Variants in POT1 observed in about 807,000 individuals in gnomAD.
POT1 encodes the protein protection of telomeres 1, also known as protection of telomeres protein 1.
Under a neutral mutation model 78.5 loss-of-function variants are expected in POT1, and 47 were observed. That is an observed-to-expected ratio of 0.60 (90% CI 0.47 to 0.76). POT1 has a LOEUF of 0.76. POT1 is among the 30% of genes least tolerant of loss of function. POT1 has a pLI of 0.00. For synonymous variants in POT1, 259 were observed against 260.7 expected (o/e 0.99, Z 0.06); for missense variants, 646 against 749.9 (o/e 0.86, Z 1.62).
intron 13 of POT1, among the ~76,000 whole-genome samples, chr7:124,841,848 C>A (rs913157619): frequency 6.6e-6 from 1 of 151,744 alleles, no homozygotes; most frequent in Non-Finnish European, 1.5e-5. Flanking sequence ...ATTCAATAAA[C>A]CAAAGTTTGA....
Position 124,842,853 on chromosome 7 carries a change from T to G in POT1, c.1117A>C (p.Arg373=). 6.2e-7 allele frequency: 1 copy of G among 1,606,986 alleles called. No homozygotes were observed. The highest frequency in any genetic ancestry group is 8.5e-7 in the Non-Finnish European group (1 of 1,178,318). ...TGAAGTTTAACAGACTGAAATAGTC[T>G]TCTGGGCTTATATGACCTCAATTTT... The part of the protein sequence containing the change: ...RAKLRSYKPR[R]LFQSVKLHCP... The change falls in exon 13 of 19, where the codon AGA becomes CGA. Residue 373 remains arginine, a synonymous_variant. Coordinates refer to ENST00000357628, the MANE Select transcript of POT1 (RefSeq NM_015450.3).
intron 8 of POT1, among the ~76,000 whole-genome samples, chr7:124,859,840 GAAA>G (rs774829313): frequency 6.9e-6 from 1 of 144,548 alleles, no homozygotes; most frequent in African/African-American, 2.5e-5. Context: ...GTATTGCTCA[GAAA>G]AAAAAAACAT....
intron 18 of POT1, 30 bp downstream of exon 18, chr7:124,825,222 G>T: frequency 7.1e-7 from 1 of 1,415,848 alleles, no homozygotes; most frequent in Non-Finnish European, 9.9e-7. Context: ...AGTAAAAGAA[G>T]TGTGGGATTG....
chr7:124,850,509 T>C, intron 11 of POT1, among the ~76,000 whole-genome samples: 1 of 152,096 alleles, frequency 6.6e-6, no homozygotes, highest in South Asian at 2.1e-4. Flanking sequence ...GGGCGGATCA[T>C]GAGGTCAGGA....
chr7:124,841,517 G>A (rs1435721217), intron 13 of POT1, among the ~76,000 whole-genome samples: 4 of 151,674 alleles, frequency 2.6e-5, no homozygotes, highest in Non-Finnish European at 4.4e-5. Context: ...TTTCCCAGTA[G>A]GAGAAAAAAA....
intron 3 of POT1, among the ~76,000 whole-genome samples, 176 bp downstream of exon 3, chr7:124,915,398 G>A (rs1189690080): frequency 2.0e-5 from 3 of 152,102 alleles, no homozygotes; most frequent in Admixed American, 6.6e-5. Flanking sequence ...AGACAGTTAA[G>A]CTGCTAAGAT....
rs186387798 is a variant in POT1 at position 124,868,651 on chromosome 7, A to G, written c.255+2260T>C. 2.2e-3 allele frequency among the ~76,000 whole-genome samples: 328 copies of G among 151,046 alleles called. 1 individual carries two copies. Among genetic ancestry groups the G allele is most frequent in the Non-Finnish European group, 3.8e-3 (257 of 67,720 alleles). ...AAAAGGTAACTATTAAATGATTTAA[A>G]TAAATATAAAAAAGTAATAATCCTA... On this transcript the variant is annotated intron_variant, in intron 7 of 18. Coordinates refer to ENST00000357628, the MANE Select transcript of POT1 (RefSeq NM_015450.3).
At position 124,842,905 on chromosome 7, in the gene POT1, T is replaced by C. The variant is rs1258072644; in HGVS notation, c.1065A>G (p.Lys355=). Residue 355 remains lysine, a synonymous_variant, in exon 13 of 19, where the codon AAA becomes AAG. Coordinates refer to ENST00000357628, the MANE Select transcript of POT1 (RefSeq NM_015450.3). ...CTCGGATGCGGTATTGTTGAGGAGC[T>C]TTTTGTTTCAAAATGGCACATAGTG... The part of the protein sequence containing the change: ...RTPLCAILKQ[K]APQQYRIRAK... 6.2e-7 allele frequency: 1 copy of C among 1,608,394 alleles called. No homozygotes were observed.
At position 124,929,786 on chromosome 7, in the gene POT1, T is replaced by C. The variant is rs772056197; in HGVS notation, c.-412+8A>G. 1 of 152,264 alleles carries C rather than the reference T, an allele frequency of 6.6e-6. No individual in the cohort carries two copies. Among genetic ancestry groups the C allele is most frequent in the East Asian group, 1.9e-4 (1 of 5,196 alleles). 9.4% of individuals were successfully genotyped at this position (152,264 alleles called of 1,614,324 possible). On this transcript the variant is annotated splice_region_variant and intron_variant, in intron 1 of 18. Transcript: ENST00000357628. ...ATGAACACACCAAACCTTACAAATT[T>C]CACTCACCCGTACTCTAGAAAGAAC...
intron 2 of POT1, among the ~76,000 whole-genome samples, chr7:124,927,648 T>C (rs1428160939): frequency 6.6e-6 from 1 of 152,216 alleles, no homozygotes; most frequent in East Asian, 1.9e-4. Flanking sequence ...TTCTCTTCTA[T>C]GCTTTGGCTC....
chr7:124,843,015 A>C, intron 12 of POT1, 52 bp from the exon 13 acceptor site: 1 of 1,292,372 alleles, frequency 7.7e-7, no homozygotes, highest in Non-Finnish European at 1.1e-6. Context: ...TATTTATGAC[A>C]TGCATCCTCC....
intron 8 of POT1, among the ~76,000 whole-genome samples, chr7:124,860,709 C>G (rs1438302788): frequency 6.6e-6 from 1 of 152,050 alleles, no homozygotes; most frequent in African/African-American, 2.4e-5. Flanking sequence ...CTGTACCCAT[C>G]AACCCGTCAT....
At chr7:124,833,433 A>T (rs1794817727) in intron 15 of POT1, among the ~76,000 whole-genome samples, 1 of 152,230 alleles carries the variant, frequency 6.6e-6, no homozygotes, top group Non-Finnish European at 1.5e-5. Flanking sequence ...GAATAGGATG[A>T]TAAAACATAT....
At chr7:124,922,769 C>G (rs1443643280) in intron 2 of POT1, among the ~76,000 whole-genome samples, 1 of 151,778 alleles carries the variant, frequency 6.6e-6, no homozygotes, top group East Asian at 1.9e-4. Flanking sequence ...GACAGACAAA[C>G]AAAACCATAT....
chr7:124,914,348 G>A (rs1796965562), intron 3 of POT1, among the ~76,000 whole-genome samples: 1 of 151,946 alleles, frequency 6.6e-6, no homozygotes, highest in Non-Finnish European at 1.5e-5. Context: ...ACAAATTTGG[G>A]GATTGGTCTT....
At chr7:124,825,002 T>C (rs1229546183) in intron 18 of POT1, among the ~76,000 whole-genome samples, 4 of 152,176 alleles carry the variant, frequency 2.6e-5, no homozygotes, top group Non-Finnish European at 4.4e-5. Flanking sequence ...AATGTGCTTG[T>C]GATCAAAACT....
chr7:124,851,879 G>A lies in POT1; in HGVS notation c.942C>T (p.Ser314=), dbSNP rs1554423491. The change falls in exon 11 of 19, where the codon AGC becomes AGT. Residue 314 remains serine, a synonymous_variant. Transcript: ENST00000357628. The stretch of plus-strand genomic sequence containing the variant: ...GTTAAAGATTATCCTTACTTGGAAA[G>A]CTGTCGTCAGGTTCTGATTGACAGA... ...DVICQSEPDD[S]FPSSGSVSLY... is the part of the protein sequence containing the mutation. The A allele has an allele frequency of 6.2e-7, 1 of 1,604,248 alleles. No individual in the cohort carries two copies. The highest frequency in any genetic ancestry group is 8.5e-7 in the Non-Finnish European group (1 of 1,171,450).
intron 2 of POT1, among the ~76,000 whole-genome samples, chr7:124,927,215 A>C (rs1010544949): frequency 6.6e-6 from 1 of 152,210 alleles, no homozygotes; most frequent in African/African-American, 2.4e-5. Context: ...TTAGTGTTTA[A>C]GCAAAACTAA....
chr7:124,842,768 TA>T, intron 13 of POT1, 38 bp downstream of exon 13: 1 of 1,533,998 alleles, frequency 6.5e-7, no homozygotes, highest in South Asian at 1.2e-5. Context: ...TACACACAAA[TA>T]ATATGAAAAC....
Sources: allele counts gnomAD v4.1 joint callset (sites outside exome capture counted in the v4.1 genomes callset), GRCh38; gene constraint gnomAD v4.1.1; transcripts MANE v1.5; gene names NCBI Gene and HGNC (gene_info 2026-07-23, HGNC 2026-07-21).